The following ROBO2 variants were observed in gnomAD, a reference collection of about 807,000 sequenced individuals.
ROBO2 encodes the protein roundabout homolog 2.
A neutral mutation model predicts 160.8 loss-of-function variants in ROBO2; 53 were observed. The ratio of observed to expected loss-of-function variants is 0.33; its 90% CI spans 0.26 to 0.41. The LOEUF is 0.41. ROBO2 is among the 10% of genes least tolerant of loss of function. The pLI is 1.00. For missense variants in ROBO2, 1,577 were observed against 1,722.4 expected, an observed-to-expected ratio of 0.92 and a Z score of 1.49; for synonymous variants, 664 against 611.7, an observed-to-expected ratio of 1.09 and a Z score of -1.26.
chr3:76,240,306 G>C (rs1341572284), intron 2 of ROBO2, among the ~76,000 whole-genome samples: 1 of 151,312 alleles, frequency 6.6e-6, no homozygotes, highest in African/African-American at 2.4e-5. Context: ...ACAGGCCCCA[G>C]TGTGTGATGT....
intron 2 of ROBO2, among the ~76,000 whole-genome samples, chr3:76,738,038 G>C (rs2093742691): frequency 6.6e-6 from 1 of 152,108 alleles, no homozygotes; most frequent in Non-Finnish European, 1.5e-5. Flanking sequence ...GGAGACTGTG[G>C]TGGGAGGATC....
chr3:77,457,548 C>A (rs2081796596), intron 2 of ROBO2, among the ~76,000 whole-genome samples: 1 of 152,050 alleles, frequency 6.6e-6, no homozygotes, highest in Non-Finnish European at 1.5e-5. Flanking sequence ...GGTCATAAAA[C>A]TTGATCGGTA....
chr3:76,847,615 A>G (rs989300053), intron 2 of ROBO2, among the ~76,000 whole-genome samples: 8 of 152,206 alleles, frequency 5.3e-5, no homozygotes, highest in African/African-American at 1.9e-4. Context: ...GTCAGCTAAG[A>G]GAGCTATAGA....
chr3:76,679,593 T>C (rs2092504158), intron 2 of ROBO2, among the ~76,000 whole-genome samples: 2 of 152,152 alleles, frequency 1.3e-5, no homozygotes, highest in Admixed American at 1.3e-4. Context: ...ACAGCTTTTT[T>C]CCTTAGGAAA....
At chr3:76,195,550 C>T (rs1702221762) in intron 2 of ROBO2, among the ~76,000 whole-genome samples, 1 of 152,076 alleles carries the variant, frequency 6.6e-6, no homozygotes. Context: ...CCCAGTTAAA[C>T]CAGTAAAGCC....
chr3:76,704,823 A>C (rs2593878), intron 2 of ROBO2, among the ~76,000 whole-genome samples: 66,988 of 151,912 alleles, frequency 0.44, 15,026 homozygotes, highest in Non-Finnish European at 0.47. Flanking sequence ...CTCAAGACAA[A>C]AACCAGTTCA....
intron 2 of ROBO2, among the ~76,000 whole-genome samples, chr3:76,641,350 A>G (rs2166787): frequency 0.35 from 52,759 of 152,006 alleles, 9,564 homozygotes; most frequent in South Asian, 0.45. Context: ...ACAGAACACA[A>G]TATCACCTCT....
chr3:77,264,033 T>G (rs903561157), intron 2 of ROBO2, among the ~76,000 whole-genome samples: 1 of 126,056 alleles, frequency 7.9e-6, no homozygotes, highest in African/African-American at 2.6e-5. Flanking sequence ...ATCATCACAT[T>G]CATCATATTC....
intron 2 of ROBO2, among the ~76,000 whole-genome samples, chr3:76,982,651 T>G (rs2060154750): frequency 6.6e-6 from 1 of 152,184 alleles, no homozygotes; most frequent in African/African-American, 2.4e-5. Context: ...TGAAATAAAA[T>G]AAAATGAAAG....
intron 1 of ROBO2, among the ~76,000 whole-genome samples, chr3:77,074,665 C>T (rs1241140239): frequency 6.6e-6 from 1 of 152,130 alleles, no homozygotes; most frequent in Admixed American, 6.5e-5. Flanking sequence ...GAGAAAGCAT[C>T]ACCTTTATTG....
chr3:76,321,820 C>G (rs995550147), intron 2 of ROBO2, among the ~76,000 whole-genome samples: 2 of 152,118 alleles, frequency 1.3e-5, no homozygotes, highest in African/African-American at 4.8e-5. Context: ...ATGATGACTG[C>G]AGTGTTTAGG....
At chr3:76,691,569 A>G (rs2092803854) in intron 2 of ROBO2, among the ~76,000 whole-genome samples, 2 of 152,204 alleles carry the variant, frequency 1.3e-5, no homozygotes, top group African/African-American at 4.8e-5. Flanking sequence ...TAGAGGAAAA[A>G]GAGGCTTCGA....
At chr3:76,945,003 C>T (rs966094688) in intron 2 of ROBO2, among the ~76,000 whole-genome samples, 56 of 152,026 alleles carry the variant, frequency 3.7e-4, no homozygotes, top group Non-Finnish European at 7.1e-4. Flanking sequence ...ATTCTCCTGC[C>T]TCAGCCTCCC....
At chr3:76,061,670 T>C (rs1415197222) in intron 2 of ROBO2, among the ~76,000 whole-genome samples, 2 of 152,200 alleles carry the variant, frequency 1.3e-5, no homozygotes, top group African/African-American at 4.8e-5. Flanking sequence ...GTCACACTTA[T>C]TAATTGTATT....
At chr3:76,663,658 G>T (rs952350732) in intron 2 of ROBO2, among the ~76,000 whole-genome samples, 2 of 152,114 alleles carry the variant, frequency 1.3e-5, no homozygotes, top group African/African-American at 2.4e-5. Flanking sequence ...GATGCTAATT[G>T]GAAGAAAGAA....
At chr3:76,083,598 G>A (rs1395060290) in intron 2 of ROBO2, among the ~76,000 whole-genome samples, 1 of 152,074 alleles carries the variant, frequency 6.6e-6, no homozygotes, top group Non-Finnish European at 1.5e-5. Context: ...AAAATATGTA[G>A]GTCAACATCT....
At chr3:76,005,885 T>C (rs567805403) in intron 2 of ROBO2, among the ~76,000 whole-genome samples, 7 of 152,200 alleles carry the variant, frequency 4.6e-5, no homozygotes, top group Non-Finnish European at 1.0e-4. Flanking sequence ...AGTTTTCATA[T>C]TTCTTTTTTC....
At chr3:77,643,553 T>G (rs1452862141) in intron 24 of ROBO2, among the ~76,000 whole-genome samples, 1 of 152,138 alleles carries the variant, frequency 6.6e-6, no homozygotes, top group East Asian at 1.9e-4. Context: ...TCATTGTTTG[T>G]AGTTAGATTT....
At chr3:76,301,927 G>C (rs1282609445) in intron 2 of ROBO2, among the ~76,000 whole-genome samples, 2 of 152,056 alleles carry the variant, frequency 1.3e-5, no homozygotes, top group Non-Finnish European at 2.9e-5. Context: ...GATGATGTCT[G>C]TGGATGCAGA....
Sources: gnomAD v4.1 joint callset for allele counts (sites outside exome capture counted in the v4.1 genomes callset) on GRCh38, gnomAD v4.1.1 for gene constraint, MANE v1.5 for transcripts, NCBI Gene and HGNC (gene_info 2026-07-23, HGNC 2026-07-21) for gene names.